KDM4C: variants seen among roughly 807,000 people sequenced by gnomAD.
KDM4C encodes the protein lysine-specific demethylase 4C.
KDM4C carries 81 observed loss-of-function variants against 129.3 expected under a neutral mutation model. That is an observed-to-expected ratio of 0.63 (90% CI 0.52 to 0.75). The LOEUF (loss-of-function observed/expected upper bound fraction) is 0.75, where lower values mean the gene tolerates loss of function less well. KDM4C is among the 30% of genes least tolerant of loss of function. KDM4C has a pLI of 0.00. For synonymous variants in KDM4C, 573 were observed against 456.1 expected (o/e 1.26, Z -3.26); for missense variants, 1,457 against 1,304.0 (o/e 1.12, Z -1.81).
intron 5 of KDM4C, among the ~76,000 whole-genome samples, chr9:6,856,539 CGTGTGTGTGTGTGTGTGTGTGTGTGT>C (rs201267627): frequency 1.5e-5 from 2 of 131,598 alleles, no homozygotes; most frequent in South Asian, 2.5e-4. Context: ...TCTCTGTGTG[CGTGTGTGTGTGTGTGTGTGTGTGTGT>C]GTGTGTGTGT....
chr9:7,125,113 C>T (rs1314164834), intron 18 of KDM4C, among the ~76,000 whole-genome samples: 3 of 152,222 alleles, frequency 2.0e-5, no homozygotes, highest in African/African-American at 7.2e-5. Context: ...GAACTGTTCT[C>T]CCCCACCCCC....
chr9:6,753,938 G>C (rs547243957), upstream of KDM4C, among the ~76,000 whole-genome samples: 4 of 126,766 alleles, frequency 3.2e-5, no homozygotes, highest in African/African-American at 1.2e-4. Context: ...GCAGTGGCAC[G>C]ACCTCGACTC....
chr9:7,071,834 C>G (rs969759223), intron 17 of KDM4C, among the ~76,000 whole-genome samples: 1 of 152,094 alleles, frequency 6.6e-6, no homozygotes, highest in Non-Finnish European at 1.5e-5. Flanking sequence ...TACGGCCATA[C>G]CACCCTGAAC....
intron 1 of KDM4C, among the ~76,000 whole-genome samples, chr9:6,770,741 C>T (rs3858052): frequency 0.047 from 4,365 of 93,736 alleles, 232 homozygotes; most frequent in East Asian, 0.18. Context: ...TAGCCGGTAT[C>T]GTATATGGTT....
At chr9:6,908,460 C>G (rs1818713029) in intron 8 of KDM4C, among the ~76,000 whole-genome samples, 1 of 152,186 alleles carries the variant, frequency 6.6e-6, no homozygotes, top group African/African-American at 2.4e-5. Context: ...CCCCACCACT[C>G]ATTCTTTCAC....
At chr9:7,052,900 A>AGAGC (rs1564049799) in intron 17 of KDM4C, among the ~76,000 whole-genome samples, 1 of 10,004 alleles carries the variant, frequency 1.0e-4, no homozygotes, top group Non-Finnish European at 2.0e-4. Context: ...AGAGAGAGAG[A>AGAGC]GCGAGCGAGT....
intron 1 of KDM4C, among the ~76,000 whole-genome samples, chr9:6,778,776 C>A (rs1478620782): frequency 1.3e-5 from 2 of 149,194 alleles, no homozygotes; most frequent in South Asian, 4.3e-4. Context: ...CACAGTGTTA[C>A]ATTTGTGAGA....
chr9:6,861,554 T>G (rs1449287089), intron 5 of KDM4C, among the ~76,000 whole-genome samples: 1 of 152,206 alleles, frequency 6.6e-6, no homozygotes, highest in Non-Finnish European at 1.5e-5. Context: ...ATTTTGATTG[T>G]CAGTGATAAT....
intron 8 of KDM4C, among the ~76,000 whole-genome samples, chr9:6,930,502 A>G (rs1823474424): frequency 6.7e-6 from 1 of 149,266 alleles, no homozygotes; most frequent in African/African-American, 2.4e-5. Flanking sequence ...TAACATATGT[A>G]TCATAAATAT....
At chr9:7,141,867 T>A (rs1214541277) in intron 19 of KDM4C, among the ~76,000 whole-genome samples, 1 of 152,154 alleles carries the variant, frequency 6.6e-6, no homozygotes, top group Non-Finnish European at 1.5e-5. Context: ...TGCCTCAATG[T>A]GAGAAGAGAC....
intron 12 of KDM4C, among the ~76,000 whole-genome samples, chr9:6,999,816 T>G (rs562890103): frequency 6.6e-6 from 1 of 152,204 alleles, no homozygotes; most frequent in Non-Finnish European, 1.5e-5. Flanking sequence ...AAAGTTCTTT[T>G]CCCTGCCAGT....
intron 12 of KDM4C, among the ~76,000 whole-genome samples, chr9:7,003,016 A>T (rs1262479795): frequency 6.6e-6 from 1 of 152,120 alleles, no homozygotes; most frequent in Non-Finnish European, 1.5e-5. Context: ...GCCTGCCACC[A>T]TTCTCGGCTA....
rs1338471600 is a variant in KDM4C, at chr9:7,049,156, AC to A, written c.2381del (p.Thr794AsnfsTer3). ...TCGATTCACTAATGTCCCAGAAAGGACACAAATAGATGTAGGCAGAATACCT... is the reference window on the plus strand; with the variant it reads ...TCGATTCACTAATGTCCCAGAAAGGAACAAATAGATGTAGGCAGAATACCT... Reference protein sequence around the residue: ...EVRFTNVPERTQIDVGRIPLQ... With the variant: ...EVRFTNVPERXQIDVGRIPLQ... On this transcript the variant is annotated frameshift_variant, in exon 17 of 22. Coordinates refer to ENST00000381309, the MANE Select transcript of KDM4C (RefSeq NM_015061.6). LOFTEE classifies it high-confidence loss of function. 6.2e-7 allele frequency: 1 copy of A among 1,612,298 alleles called. No individual in the cohort carries two copies. Among genetic ancestry groups the A allele is most frequent in the Non-Finnish European group, 8.5e-7 (1 of 1,178,682 alleles).
intron 8 of KDM4C, among the ~76,000 whole-genome samples, chr9:6,961,178 A>G (rs116394992): frequency 6.6e-6 from 1 of 152,306 alleles, no homozygotes; most frequent in African/African-American, 2.4e-5. Flanking sequence ...AATATCTAAA[A>G]TTAGTTGTCC....
chr9:6,811,137 C>T (rs1831068294), intron 3 of KDM4C, among the ~76,000 whole-genome samples: 1 of 151,996 alleles, frequency 6.6e-6, no homozygotes, highest in Non-Finnish European at 1.5e-5. Context: ...TTGTTGGAGA[C>T]AAGAGGTTTT....
At chr9:7,150,650 C>T (rs754949481) in intron 19 of KDM4C, among the ~76,000 whole-genome samples, 1 of 152,180 alleles carries the variant, frequency 6.6e-6, no homozygotes, top group Admixed American at 6.5e-5. Context: ...AGAACTGCTG[C>T]TCTTGTGCCC....
upstream of KDM4C, among the ~76,000 whole-genome samples, chr9:6,753,826 G>T (rs1185934030): frequency 6.6e-6 from 1 of 150,648 alleles, no homozygotes; most frequent in East Asian, 1.9e-4. Flanking sequence ...TTTGATAAAG[G>T]TAAAGGTAAA....
chr9:6,757,876 A>C (rs1186706733), upstream of KDM4C: 1 of 985,452 alleles, frequency 1.0e-6, no homozygotes, highest in Non-Finnish European at 1.2e-6. Flanking sequence ...CCAAAGCAAG[A>C]GCGTGCCGGG....
At chr9:6,726,483 T>G (rs1437740809) in intron 1 of KDM4C, 1 of 152,214 alleles carries the variant, frequency 6.6e-6, no homozygotes, top group Admixed American at 6.6e-5. Flanking sequence ...CAAAGCTGTC[T>G]CCTCAACCAC....
Sources: allele counts gnomAD v4.1 joint callset (sites outside exome capture counted in the v4.1 genomes callset), GRCh38; gene constraint gnomAD v4.1.1; transcripts MANE v1.5; gene names NCBI Gene and HGNC (gene_info 2026-07-23, HGNC 2026-07-21).